The following KCNIP4 variants were observed in gnomAD, a reference collection of about 807,000 sequenced individuals.
KCNIP4 encodes potassium voltage-gated channel interacting protein 4, also known as Kv channel-interacting protein 4.
In KCNIP4, 12 loss-of-function variants were observed where a neutral mutation model predicts 34.0. The ratio of observed to expected loss-of-function variants is 0.35; its 90% confidence interval spans 0.23 to 0.57. KCNIP4 has a LOEUF of 0.57. Ranked by LOEUF, KCNIP4 falls within the 20% of genes least tolerant of loss-of-function variation. KCNIP4 has a pLI of 0.83. For missense variants in KCNIP4, 238 were observed against 311.7 expected (o/e 0.76, Z 1.78); for synonymous variants, 124 against 102.2 (o/e 1.21, Z -1.29).
At chr4:21,068,725 C>T (rs982127144) in intron 1 of KCNIP4, among the ~76,000 whole-genome samples, 3 of 152,136 alleles carry the variant, frequency 2.0e-5, no homozygotes, top group African/African-American at 7.2e-5. Context: ...TCATGTCACC[C>T]TAAATGTAGT....
intron 1 of KCNIP4, among the ~76,000 whole-genome samples, chr4:20,979,555 C>T (rs1478578439): frequency 6.6e-6 from 1 of 151,988 alleles, no homozygotes; most frequent in African/African-American, 2.4e-5. Context: ...CCCGCCACCT[C>T]GCCCAGCTAT....
chr4:21,073,696 G>A (rs915632309), intron 1 of KCNIP4, among the ~76,000 whole-genome samples: 1 of 152,156 alleles, frequency 6.6e-6, no homozygotes, highest in Admixed American at 6.5e-5. Context: ...GGTGGGAGAG[G>A]GCGTCCCTGT....
rs138212189 is a variant in KCNIP4, at chr4:20,815,700, C to G, written c.288+34843G>C. On this transcript the variant is annotated intron_variant, in intron 3 of 8. Transcript: ENST00000382152. ...AACCAATTATGTATGAAATGTTAGA[C>G]ATTGTCCAGTGGAAGATATATATTA... is the stretch of plus-strand genomic sequence containing the variant. Among the ~76,000 whole-genome samples, 489 of 152,252 alleles carry G rather than the reference C, an allele frequency of 3.2e-3. 1 individual carries two copies. Among genetic ancestry groups the G allele is most frequent in the Admixed American group, 7.7e-3 (118 of 15,296 alleles).
At chr4:21,624,867 T>A (rs1745222279) in intron 1 of KCNIP4, among the ~76,000 whole-genome samples, 1 of 152,106 alleles carries the variant, frequency 6.6e-6, no homozygotes, top group African/African-American at 2.4e-5. Flanking sequence ...TCTTAACAGG[T>A]AAATGCCCTC....
chr4:21,194,829 C>A (rs1299476557), intron 1 of KCNIP4, among the ~76,000 whole-genome samples: 2 of 152,184 alleles, frequency 1.3e-5, no homozygotes, highest in Non-Finnish European at 2.9e-5. Flanking sequence ...TTTTGGCCTA[C>A]AGAAACAAGG....
intron 1 of KCNIP4, among the ~76,000 whole-genome samples, chr4:21,029,501 C>G (rs1384938024): frequency 6.6e-6 from 1 of 152,140 alleles, no homozygotes; most frequent in African/African-American, 2.4e-5. Context: ...ATGATCTGGT[C>G]AAAACTGGAT....
intron 1 of KCNIP4, among the ~76,000 whole-genome samples, chr4:21,434,456 AT>A (rs1359459063): frequency 2.0e-5 from 3 of 152,158 alleles, no homozygotes; most frequent in Non-Finnish European, 4.4e-5. Context: ...AAACATTAGC[AT>A]CATGTAACAT....
At chr4:20,985,611 A>G (rs1163161004) in intron 1 of KCNIP4, among the ~76,000 whole-genome samples, 3 of 152,198 alleles carry the variant, frequency 2.0e-5, no homozygotes, top group Non-Finnish European at 4.4e-5. Flanking sequence ...TATAAATGGT[A>G]CATGAATGAT....
At chr4:21,749,692 A>G (rs1251986887) in intron 1 of KCNIP4, among the ~76,000 whole-genome samples, 3 of 151,970 alleles carry the variant, frequency 2.0e-5, no homozygotes, top group African/African-American at 4.8e-5. Context: ...TGCCCTCCAC[A>G]TGTGCTATAC....
intron 1 of KCNIP4, among the ~76,000 whole-genome samples, chr4:21,933,473 T>C (rs1011962533): frequency 6.6e-6 from 1 of 152,094 alleles, no homozygotes; most frequent in African/African-American, 2.4e-5. Context: ...CCTTTAATCA[T>C]TATTTTCTGA....
intron 1 of KCNIP4, among the ~76,000 whole-genome samples, chr4:21,269,361 T>A (rs1011408455): frequency 3.9e-5 from 6 of 152,180 alleles, no homozygotes; most frequent in African/African-American, 1.4e-4. Flanking sequence ...AGTCTGTCTC[T>A]ATGTTTTTCA....
rs1300643125 is a variant in KCNIP4 at position 20,805,399 on chromosome 4, AG to A, written c.288+45143del. Among the ~76,000 whole-genome samples, 6 of 151,914 alleles carry A rather than the reference AG, an allele frequency of 3.9e-5. No homozygotes were observed. The East Asian group carries it at 1.2e-3, about 30-fold the overall frequency. On this transcript the variant is annotated intron_variant, in intron 3 of 8. Coordinates refer to ENST00000382152, the MANE Select transcript of KCNIP4 (RefSeq NM_025221.6). ...TTCTTCTATTGACTAAATTTTGCCA[AG>A]CTTTGTAACTGTTCTGAGAAATTTC...
chr4:20,749,572 G>T, intron 5 of KCNIP4, 90 bp downstream of exon 5: 1 of 871,520 alleles, frequency 1.1e-6, no homozygotes, highest in Non-Finnish European at 1.8e-6. Context: ...TTTCCCCTGA[G>T]CAAAAATAAT....
chr4:21,933,538 G>T (rs898146753), intron 1 of KCNIP4, among the ~76,000 whole-genome samples: 3 of 151,964 alleles, frequency 2.0e-5, no homozygotes, highest in Non-Finnish European at 4.4e-5. Flanking sequence ...TCCTGTGCTT[G>T]CTTTTCTGAA....
chr4:20,876,476 C>T (rs924977029), intron 2 of KCNIP4, among the ~76,000 whole-genome samples: 2 of 152,120 alleles, frequency 1.3e-5, no homozygotes, highest in Non-Finnish European at 2.9e-5. Flanking sequence ...CATAAAGTAG[C>T]TAAATCCCTT....
chr4:21,584,613 C>T (rs1741476660), intron 1 of KCNIP4, among the ~76,000 whole-genome samples: 1 of 152,054 alleles, frequency 6.6e-6, no homozygotes, highest in South Asian at 2.1e-4. Context: ...AACCAATTAG[C>T]TGGCATTATT....
chr4:20,800,798 T>C (rs1230878648), intron 3 of KCNIP4, among the ~76,000 whole-genome samples: 1 of 152,120 alleles, frequency 6.6e-6, no homozygotes, highest in Non-Finnish European at 1.5e-5. Flanking sequence ...GGGATATCAT[T>C]AAGCAAATAA....
At chr4:21,704,801 T>C (rs1245467925) in intron 1 of KCNIP4, among the ~76,000 whole-genome samples, 1 of 152,124 alleles carries the variant, frequency 6.6e-6, no homozygotes, top group Non-Finnish European at 1.5e-5. Context: ...TGGAAAACAG[T>C]CTGGCGGTGT....
At chr4:21,192,416 A>G (rs2109351114) in intron 1 of KCNIP4, among the ~76,000 whole-genome samples, 1 of 152,334 alleles carries the variant, frequency 6.6e-6, no homozygotes, top group East Asian at 1.9e-4. Flanking sequence ...AAGTGCACAA[A>G]ATCTTACATG....
Sources: allele counts gnomAD v4.1 joint callset (sites outside exome capture counted in the v4.1 genomes callset), GRCh38; gene constraint gnomAD v4.1.1; transcripts MANE v1.5; gene names NCBI Gene and HGNC (gene_info 2026-07-23, HGNC 2026-07-21).